Variants in GRM7 observed in about 807,000 individuals in gnomAD.
The protein encoded by GRM7 is glutamate metabotropic receptor 7.
A neutral mutation model predicts 84.5 loss-of-function variants in GRM7; 35 were observed. That is an observed-to-expected ratio of 0.41 (90% confidence interval 0.32 to 0.55). The LOEUF is 0.55. Ranked by LOEUF, GRM7 falls within the 20% of genes least tolerant of loss-of-function variation. The pLI is 0.19. For missense variants in GRM7, 1,003 were observed against 1,194.6 expected, an observed-to-expected ratio of 0.84 and a Z score of 2.36; for synonymous variants, 487 against 455.1, an observed-to-expected ratio of 1.07 and a Z score of -0.89.
At chr3:7,644,031 CA>C (rs1439446538) in intron 8 of GRM7, among the ~76,000 whole-genome samples, 15 of 62,518 alleles carry the variant, frequency 2.4e-4, no homozygotes, top group African/African-American at 9.3e-4. Context: ...CACACACACA[CA>C]CACCATATAT....
intron 9 of GRM7, among the ~76,000 whole-genome samples, chr3:7,705,640 A>AT (rs1701360028): frequency 6.6e-6 from 1 of 152,220 alleles, no homozygotes. Context: ...AGCTAGGCAA[A>AT]GAGAACTTGT....
intron 7 of GRM7, among the ~76,000 whole-genome samples, chr3:7,505,036 G>A (rs1233901396): frequency 6.6e-6 from 1 of 152,180 alleles, no homozygotes; most frequent in Non-Finnish European, 1.5e-5. Flanking sequence ...AAATACAATG[G>A]TGGGACAGAC....
intron 7 of GRM7, among the ~76,000 whole-genome samples, chr3:7,502,874 A>G (rs1366114614): frequency 6.6e-6 from 1 of 152,188 alleles, no homozygotes; most frequent in Non-Finnish European, 1.5e-5. Context: ...GCAACCCTGA[A>G]GAGTGATAAA....
At chr3:7,530,615 G>C (rs1251250658) in intron 7 of GRM7, among the ~76,000 whole-genome samples, 1 of 152,094 alleles carries the variant, frequency 6.6e-6, no homozygotes, top group African/African-American at 2.4e-5. Context: ...ATTGTTTCCT[G>C]ACTTTTTAAT....
At chr3:7,434,476 T>G (rs906946014) in intron 5 of GRM7, among the ~76,000 whole-genome samples, 1 of 152,216 alleles carries the variant, frequency 6.6e-6, no homozygotes, top group African/African-American at 2.4e-5. Context: ...TCTTTCCATT[T>G]TCTTTGCTGA....
At chr3:7,648,699 C>T (rs934990929) in intron 8 of GRM7, among the ~76,000 whole-genome samples, 4 of 151,580 alleles carry the variant, frequency 2.6e-5, no homozygotes, top group Non-Finnish European at 5.9e-5. Context: ...CCCCTAGGAC[C>T]TGGGCAGAGA....
intron 4 of GRM7, among the ~76,000 whole-genome samples, chr3:7,334,897 C>T (rs1328514537): frequency 1.3e-5 from 2 of 152,042 alleles, no homozygotes; most frequent in African/African-American, 4.8e-5. Flanking sequence ...AACACTGGAG[C>T]TCCCAAATTT....
chr3:7,028,142 G>C (rs935703927), intron 1 of GRM7, among the ~76,000 whole-genome samples: 11 of 152,128 alleles, frequency 7.2e-5, no homozygotes, highest in Non-Finnish European at 1.5e-4. Context: ...GTTTCCCAGT[G>C]CTTAGCCTGG....
chr3:7,620,703 A>C (rs1697317929), intron 8 of GRM7, among the ~76,000 whole-genome samples: 1 of 152,050 alleles, frequency 6.6e-6, no homozygotes, highest in Middle Eastern at 3.2e-3. Context: ...TTTTCTCTTC[A>C]TTTTTATGTC....
intron 5 of GRM7, among the ~76,000 whole-genome samples, chr3:7,444,931 C>T (rs1697442405): frequency 6.6e-6 from 1 of 152,160 alleles, no homozygotes; most frequent in Non-Finnish European, 1.5e-5. Flanking sequence ...AGTACTTCTG[C>T]AGAACATTAG....
At chr3:6,976,459 G>A (rs567181843) in intron 1 of GRM7, among the ~76,000 whole-genome samples, 1 of 152,176 alleles carries the variant, frequency 6.6e-6, no homozygotes, top group Non-Finnish European at 1.5e-5. Flanking sequence ...CACTTTTCCA[G>A]GGACAGAGTC....
intron 8 of GRM7, among the ~76,000 whole-genome samples, chr3:7,653,228 A>G (rs1274021631): frequency 2.8e-5 from 3 of 107,118 alleles, no homozygotes; most frequent in Admixed American, 3.0e-4. Context: ...CTCCCCTCTT[A>G]CTCTACCTAA....
At chr3:7,216,625 T>C (rs1375621241) in intron 2 of GRM7, among the ~76,000 whole-genome samples, 2 of 152,200 alleles carry the variant, frequency 1.3e-5, no homozygotes, top group Admixed American at 1.3e-4. Flanking sequence ...TTACTAGTAC[T>C]GCCACCCTCA....
intron 9 of GRM7, among the ~76,000 whole-genome samples, chr3:7,726,629 A>C (rs1323493613): frequency 0.059 from 3,393 of 57,244 alleles, 340 homozygotes; most frequent in African/African-American, 0.18. Context: ...ATATATATAT[A>C]TATATATATA....
At chr3:6,894,675 G>T (rs762092291) in intron 1 of GRM7, among the ~76,000 whole-genome samples, 2 of 152,122 alleles carry the variant, frequency 1.3e-5, no homozygotes, top group African/African-American at 2.4e-5. Context: ...AGCAGGTTTT[G>T]TGGGGAAGAT....
At chr3:7,194,907 T>C (rs1273010909) in intron 2 of GRM7, among the ~76,000 whole-genome samples, 1 of 152,140 alleles carries the variant, frequency 6.6e-6, no homozygotes, top group Non-Finnish European at 1.5e-5. Context: ...AGGGATTCTA[T>C]GATAGTCTAT....
At chr3:7,321,754 T>TA (rs151302940) in intron 4 of GRM7, among the ~76,000 whole-genome samples, 13,930 of 152,096 alleles carry the variant, frequency 0.092, 863 homozygotes, top group Non-Finnish European at 0.14. Context: ...TCTGATGTTT[T>TA]AAAAAAAGTT....
chr3:7,067,099 G>A (rs1161841948), intron 1 of GRM7, among the ~76,000 whole-genome samples: 1 of 151,892 alleles, frequency 6.6e-6, no homozygotes, highest in Non-Finnish European at 1.5e-5. Context: ...CATTCCCTCT[G>A]AGAACTGGAA....
chr3:7,475,042 A>T (rs1338010138), intron 7 of GRM7, among the ~76,000 whole-genome samples: 6 of 152,216 alleles, frequency 3.9e-5, no homozygotes. Context: ...CAAATACACA[A>T]CTATTCAGTT....
Sources: gnomAD v4.1 joint callset for allele counts (sites outside exome capture counted in the v4.1 genomes callset) on GRCh38, gnomAD v4.1.1 for gene constraint, MANE v1.5 for transcripts, NCBI Gene and HGNC (gene_info 2026-07-23, HGNC 2026-07-21) for gene names.